Variants in SPAG16 observed in about 807,000 individuals in gnomAD.
SPAG16 encodes the protein sperm associated antigen 16.
Under a neutral mutation model 80.4 loss-of-function variants are expected in SPAG16, and 86 were observed. The ratio of observed to expected loss-of-function variants is 1.07; its 90% CI spans 0.90 to 1.28. SPAG16 has a LOEUF of 1.28. Among genes scored for constraint, SPAG16 ranks in the 50% most tolerant of loss-of-function variants. The pLI, the probability that SPAG16 is intolerant of heterozygous loss-of-function variation, is 0.00. For missense variants in SPAG16, 870 were observed against 765.3 expected, an observed-to-expected ratio of 1.14 and a Z score of -1.61; for synonymous variants, 294 against 265.9, an observed-to-expected ratio of 1.11 and a Z score of -1.03.
intron 12 of SPAG16, among the ~76,000 whole-genome samples, chr2:213,946,031 G>A (rs974103011): frequency 6.6e-6 from 1 of 152,134 alleles, no homozygotes; most frequent in Non-Finnish European, 1.5e-5. Flanking sequence ...CTTCAGTTGA[G>A]CTAGGTACTT....
intron 12 of SPAG16, among the ~76,000 whole-genome samples, chr2:213,969,350 G>A (rs1057116985): frequency 3.3e-5 from 5 of 152,078 alleles, no homozygotes; most frequent in Admixed American, 6.6e-5. Context: ...AGGAGGTGCC[G>A]GGTGGTTAAT....
intron 12 of SPAG16, among the ~76,000 whole-genome samples, chr2:213,936,866 C>CT (rs952292742): frequency 9.9e-5 from 15 of 152,092 alleles, no homozygotes; most frequent in African/African-American, 3.6e-4. Flanking sequence ...GCATCACTTC[C>CT]TTTTTATTTT....
chr2:214,149,096 T>TATATATATATATATATATATAC (rs3043764), intron 14 of SPAG16, 44 bp from the exon 15 acceptor site: 11 of 750,260 alleles, frequency 1.5e-5, no homozygotes, highest in Middle Eastern at 2.9e-4. Context: ...TATATATATA[T>TATATATATATATATATATATAC]ACATACATAC....
chr2:214,043,437 C>G (rs1045104838), intron 13 of SPAG16, among the ~76,000 whole-genome samples: 1 of 152,156 alleles, frequency 6.6e-6, no homozygotes, highest in Non-Finnish European at 1.5e-5. Context: ...CCCAGGAGCA[C>G]TCAACCCCCC....
chr2:213,632,676 T>G (rs1370460847), intron 10 of SPAG16, among the ~76,000 whole-genome samples: 2 of 152,124 alleles, frequency 1.3e-5, no homozygotes, highest in African/African-American at 4.8e-5. Context: ...GTTTTTATTA[T>G]GAAGGAATGT....
chr2:213,719,354 A>G (rs1178397655), intron 10 of SPAG16, among the ~76,000 whole-genome samples: 1 of 152,040 alleles, frequency 6.6e-6, no homozygotes, highest in Non-Finnish European at 1.5e-5. Flanking sequence ...TGTTTAGCTC[A>G]AGGTTTGTGA....
intron 14 of SPAG16, among the ~76,000 whole-genome samples, chr2:214,134,264 G>A (rs973134586): frequency 1.3e-5 from 2 of 152,110 alleles, no homozygotes; most frequent in East Asian, 1.9e-4. Context: ...CAGGGCCCTT[G>A]ATCTTGCTCT....
At chr2:213,701,913 A>G (rs2065443988) in intron 10 of SPAG16, among the ~76,000 whole-genome samples, 2 of 152,078 alleles carry the variant, frequency 1.3e-5, no homozygotes, top group Non-Finnish European at 2.9e-5. Flanking sequence ...AAATGCACCA[A>G]TCAGTGCTCT....
At chr2:213,744,244 G>A (rs781456840) in intron 10 of SPAG16, among the ~76,000 whole-genome samples, 1 of 152,050 alleles carries the variant, frequency 6.6e-6, no homozygotes, top group Non-Finnish European at 1.5e-5. Flanking sequence ...CAATGAAGTA[G>A]GTGCACATAT....
chr2:214,056,227 G>A (rs1048213683), intron 13 of SPAG16, among the ~76,000 whole-genome samples: 1 of 151,162 alleles, frequency 6.6e-6, no homozygotes, highest in Non-Finnish European at 1.5e-5. Context: ...CTTTATTCAA[G>A]CCTGGTTAAT....
In SPAG16 at chr2:214,279,295, C is replaced by T. The variant is rs554285375; in HGVS notation, c.1720+130029C>T. Among the ~76,000 whole-genome samples, 3 of 152,212 alleles carry T rather than the reference C, an allele frequency of 2.0e-5. No homozygotes were observed. The South Asian group carries it at 6.2e-4, about 32-fold the overall frequency. The stretch of plus-strand genomic sequence containing the variant: ...TATTTTTAGTAAAGACTGGGTTTCA[C>T]CATGTTCGCAAGGATGGTCTCAATC... On this transcript the variant is annotated intron_variant, in intron 15 of 15. Transcript: ENST00000331683.
chr2:213,535,445 A>G (rs1024732533), intron 10 of SPAG16, among the ~76,000 whole-genome samples: 2 of 152,190 alleles, frequency 1.3e-5, no homozygotes, highest in African/African-American at 4.8e-5. Context: ...TCTGAGTTGA[A>G]TAATGTCACT....
At chr2:213,752,655 G>T (rs1291356417) in intron 10 of SPAG16, among the ~76,000 whole-genome samples, 2 of 152,078 alleles carry the variant, frequency 1.3e-5, no homozygotes, top group African/African-American at 4.8e-5. Context: ...TTTTGTATTT[G>T]CTGCCTTCTT....
At chr2:213,360,945 T>C (rs2065945206) in intron 7 of SPAG16, among the ~76,000 whole-genome samples, 1 of 152,224 alleles carries the variant, frequency 6.6e-6, no homozygotes, top group Admixed American at 6.5e-5. Flanking sequence ...GGATTCCTGA[T>C]TGTTACTTCC....
At chr2:213,660,330 C>T (rs986660696) in intron 10 of SPAG16, among the ~76,000 whole-genome samples, 7 of 150,282 alleles carry the variant, frequency 4.7e-5, no homozygotes, top group Middle Eastern at 3.4e-3. Flanking sequence ...AGTGCCGTGG[C>T]GCAATCTCAG....
intron 10 of SPAG16, among the ~76,000 whole-genome samples, chr2:213,524,904 G>A (rs2075829560): frequency 6.6e-6 from 1 of 152,268 alleles, no homozygotes; most frequent in African/African-American, 2.4e-5. Context: ...TGTTGGAGGG[G>A]CATGATTGTG....
chr2:213,525,859 A>G (rs573575629), intron 10 of SPAG16, among the ~76,000 whole-genome samples: 48 of 152,220 alleles, frequency 3.2e-4, no homozygotes, highest in African/African-American at 1.0e-3. Flanking sequence ...ACATATCTAT[A>G]TATTCTTAAG....
At chr2:214,321,781 T>C (rs1008502799) in intron 15 of SPAG16, among the ~76,000 whole-genome samples, 2 of 152,186 alleles carry the variant, frequency 1.3e-5, no homozygotes, top group African/African-American at 2.4e-5. Context: ...AACTCTGTAT[T>C]TTGTAAATAA....
intron 13 of SPAG16, among the ~76,000 whole-genome samples, chr2:214,101,948 A>T (rs780400066): frequency 1.8e-4 from 27 of 152,124 alleles, no homozygotes; most frequent in African/African-American, 7.2e-5. Context: ...GCAATGGAAA[A>T]GTCAATGGGT....
Sources: allele counts gnomAD v4.1 joint callset (sites outside exome capture counted in the v4.1 genomes callset), GRCh38; gene constraint gnomAD v4.1.1; transcripts MANE v1.5; gene names NCBI Gene and HGNC (gene_info 2026-07-23, HGNC 2026-07-21).